TBC1D8: variants seen among roughly 807,000 people sequenced by gnomAD.
TBC1D8 encodes the protein BUB2-like protein 1.
A neutral mutation model predicts 118.8 loss-of-function variants in TBC1D8; 65 were observed. The ratio of observed to expected loss-of-function variants is 0.55; its 90% confidence interval spans 0.45 to 0.67. The LOEUF (loss-of-function observed/expected upper bound fraction) is 0.67, where lower values mean the gene tolerates loss of function less well. Ranked by LOEUF, TBC1D8 falls within the 30% of genes least tolerant of loss-of-function variation. The probability of loss-of-function intolerance (pLI) is 0.00; values close to 1 mark genes in which losing one functional copy is unlikely to be tolerated. For synonymous variants in TBC1D8, 566 were observed against 595.8 expected, an observed-to-expected ratio of 0.95 and a Z score of 0.73; for missense variants, 1,376 against 1,471.2, an observed-to-expected ratio of 0.94 and a Z score of 1.06.
At chr2:101,085,015 A>AT (rs1435133335) in intron 2 of TBC1D8, among the ~76,000 whole-genome samples, 4 of 151,494 alleles carry the variant, frequency 2.6e-5, no homozygotes, top group African/African-American at 9.7e-5. Flanking sequence ...GGCCCAGCTA[A>AT]TTTTTTTGTT....
chr2:101,111,915 TTA>T lies in TBC1D8; in HGVS notation c.128-21553_128-21552del, dbSNP rs566135401. ...AAATGTTGTGTACTTGACCATAGTT[TTA>T]AAAAAAAAAAAAAAACCTGTGAAAT... is the stretch of plus-strand genomic sequence containing the variant. On this transcript the variant is annotated intron_variant, in intron 1 of 19. Coordinates refer to ENST00000409318, the MANE Select transcript of TBC1D8 (RefSeq NM_001330348.2). Among the ~76,000 whole-genome samples the T allele has an allele frequency of 3.0e-4, 15 of 50,166 alleles. 1 individual carries two copies. Among genetic ancestry groups the T allele is most frequent in the South Asian group, 7.9e-4 (2 of 2,518 alleles). 32.9% of individuals were successfully genotyped at this position (50,166 alleles called of 152,430 possible). A position where few individuals can be genotyped will look rare whatever the true frequency, so the allele number is the denominator to read the frequency against.
intron 1 of TBC1D8, among the ~76,000 whole-genome samples, chr2:101,104,730 C>T (rs1460145176): frequency 6.6e-6 from 1 of 152,096 alleles, no homozygotes; most frequent in Non-Finnish European, 1.5e-5. Context: ...ACTTCTACAA[C>T]ATAGGTCAGG....
chr2:101,009,667 G>T (rs530492999), intron 19 of TBC1D8, among the ~76,000 whole-genome samples: 101 of 152,060 alleles, frequency 6.6e-4, no homozygotes, highest in African/African-American at 2.3e-3. Context: ...CACAGTAGAC[G>T]AGCAGCATTT....
At chr2:101,020,737 C>T (rs1043556957) in intron 17 of TBC1D8, among the ~76,000 whole-genome samples, 39 of 152,220 alleles carry the variant, frequency 2.6e-4, no homozygotes, top group African/African-American at 8.7e-4. Flanking sequence ...CCCCCTCATC[C>T]GAAGTGTTAA....
intron 1 of TBC1D8, among the ~76,000 whole-genome samples, chr2:101,106,957 G>A (rs1039124739): frequency 2.0e-5 from 3 of 152,234 alleles, no homozygotes; most frequent in Non-Finnish European, 4.4e-5. Context: ...AGGTGGGTGA[G>A]GCTAAGCTAT....
At chr2:101,139,231 C>G (rs1193921235) in intron 1 of TBC1D8, among the ~76,000 whole-genome samples, 1 of 151,872 alleles carries the variant, frequency 6.6e-6, no homozygotes, top group African/African-American at 2.4e-5. Context: ...CAAGACCCAG[C>G]AGCTTGGCCC....
intron 1 of TBC1D8, among the ~76,000 whole-genome samples, chr2:101,096,144 G>A (rs561067964): frequency 6.6e-5 from 10 of 152,100 alleles, no homozygotes; most frequent in African/African-American, 2.4e-4. Flanking sequence ...GGCTAGTCTC[G>A]AACTCCTAGG....
intron 2 of TBC1D8, among the ~76,000 whole-genome samples, chr2:101,069,475 A>C (rs887213260): frequency 1.2e-4 from 19 of 152,168 alleles, no homozygotes; most frequent in African/African-American, 1.9e-4. Context: ...AATCCCAGCT[A>C]CTCAGGAGGC....
At chr2:101,137,335 C>G (rs1361918917) in intron 1 of TBC1D8, among the ~76,000 whole-genome samples, 1 of 149,208 alleles carries the variant, frequency 6.7e-6, no homozygotes, top group African/African-American at 2.5e-5. Flanking sequence ...GTTTTTGAGA[C>G]GGAGTCTCGC....
At chr2:101,102,046 T>TGGAGAGGAGGGGAGG (rs1676874900) in intron 1 of TBC1D8, among the ~76,000 whole-genome samples, 1 of 51,672 alleles carries the variant, frequency 1.9e-5, no homozygotes, top group Non-Finnish European at 3.5e-5. Flanking sequence ...AGGAGGGGAG[T>TGGAGAGGAGGGGAGG]GGAGAGGAGG....
rs547941017 is a variant in TBC1D8 at position 101,007,740 on chromosome 2, G to A, written c.*81C>T. The A allele has an allele frequency of 2.3e-5, 33 of 1,424,892 alleles. No homozygotes were observed. In the East Asian group the frequency reaches 4.1e-4, roughly 18 times the overall value. The allele number at this position is 1,424,892 out of a possible 1,614,324, so 88.3% of individuals were successfully genotyped here. A position where few individuals can be genotyped will look rare whatever the true frequency, so the allele number is the denominator to read the frequency against. On this transcript the variant is annotated 3_prime_UTR_variant, in exon 20 of 20. Transcript: ENST00000409318. ...CATTGGTAAGGTAGACTGAAATCTC[G>A]GTTTAGGGCTGACCCCAAGAAACAG...
chr2:101,046,467 TG>T (rs753424369), intron 5 of TBC1D8, among the ~76,000 whole-genome samples: 5 of 152,064 alleles, frequency 3.3e-5, no homozygotes, highest in Non-Finnish European at 7.4e-5. Flanking sequence ...CCGAGCAGCT[TG>T]GGGACTGGGG....
At chr2:101,098,927 A>G (rs931072545) in intron 1 of TBC1D8, among the ~76,000 whole-genome samples, 1 of 152,128 alleles carries the variant, frequency 6.6e-6, no homozygotes, top group Admixed American at 6.6e-5. Flanking sequence ...TCTCAAATCA[A>G]TACCCTAACA....
intron 2 of TBC1D8, among the ~76,000 whole-genome samples, chr2:101,075,999 G>C (rs1181546258): frequency 1.3e-5 from 2 of 152,046 alleles, no homozygotes; most frequent in Admixed American, 1.3e-4. Context: ...TACTAAAAAG[G>C]GGAGAAGGGA....
intron 6 of TBC1D8, 34 bp downstream of exon 6, chr2:101,040,144 C>T: frequency 6.2e-7 from 1 of 1,600,582 alleles, no homozygotes; most frequent in Non-Finnish European, 8.5e-7. Flanking sequence ...CAACAAAAGG[C>T]TGCTTCGGGA....
chr2:101,022,645 TC>T (rs1358398948), intron 15 of TBC1D8, 124 bp from the exon 16 acceptor site: 16 of 1,377,802 alleles, frequency 1.2e-5, no homozygotes, highest in Non-Finnish European at 1.5e-5. Context: ...GTAAAAGTGT[TC>T]CCTTGTTACC....
chr2:101,021,808 A>G, intron 16 of TBC1D8, 62 bp from the exon 17 acceptor site: 1 of 1,097,266 alleles, frequency 9.1e-7, no homozygotes, highest in Non-Finnish European at 1.4e-6. Flanking sequence ...GTCAGGACAC[A>G]AACTCACTGT....
intron 1 of TBC1D8, among the ~76,000 whole-genome samples, chr2:101,108,097 G>A (rs923653646): frequency 3.3e-5 from 5 of 151,198 alleles, no homozygotes; most frequent in Admixed American, 6.6e-5. Context: ...GGGGGAGGGA[G>A]GGGAGGGGAG....
chr2:101,078,849 G>A (rs547891706), intron 2 of TBC1D8, among the ~76,000 whole-genome samples: 130 of 151,520 alleles, frequency 8.6e-4, no homozygotes, highest in African/African-American at 2.7e-3. Context: ...GCAAGAAAAC[G>A]GGCAGAAGTG....
Sources: allele counts gnomAD v4.1 joint callset (sites outside exome capture counted in the v4.1 genomes callset), GRCh38; gene constraint gnomAD v4.1.1; transcripts MANE v1.5; gene names NCBI Gene and HGNC (gene_info 2026-07-23, HGNC 2026-07-21).